Variants in GULP1 observed in about 807,000 individuals in gnomAD.
GULP1 encodes the protein GULP PTB domain containing engulfment adaptor 1, also known as PTB domain-containing engulfment adapter protein 1.
A neutral mutation model predicts 40.9 loss-of-function variants in GULP1; 19 were observed. The observed-to-expected ratio is 0.46, with a 90% CI of 0.32 to 0.68. The LOEUF (loss-of-function observed/expected upper bound fraction) is 0.68, where lower values mean the gene tolerates loss of function less well. Among genes scored for constraint, GULP1 ranks in the 30% least tolerant of loss-of-function variants. The probability of loss-of-function intolerance (pLI) is 0.03; values close to 1 mark genes in which losing one functional copy is unlikely to be tolerated. For synonymous variants in GULP1, 119 were observed against 117.6 expected, an observed-to-expected ratio of 1.01 and a Z score of -0.08; for missense variants, 312 against 362.2, an observed-to-expected ratio of 0.86 and a Z score of 1.12.
At chr2:188,379,915 GT>G in intron 1 of GULP1, among the ~76,000 whole-genome samples, 1 of 152,134 alleles carries the variant, frequency 6.6e-6, no homozygotes, top group Non-Finnish European at 1.5e-5. Flanking sequence ...TGAACTGAAG[GT>G]TAATGAGTCT....
intron 2 of GULP1, among the ~76,000 whole-genome samples, chr2:188,430,801 G>A (rs1334476309): frequency 6.6e-6 from 1 of 152,074 alleles, no homozygotes; most frequent in Non-Finnish European, 1.5e-5. Context: ...CTTTCTGTGT[G>A]AGAACCAGCC....
At chr2:188,525,648 G>C (rs866723808) in intron 5 of GULP1, among the ~76,000 whole-genome samples, 1 of 152,158 alleles carries the variant, frequency 6.6e-6, no homozygotes, top group Non-Finnish European at 1.5e-5. Context: ...TTCCCTGGGA[G>C]ATACCCAGTG....
At chr2:188,469,547 A>C (rs1276677130) in intron 2 of GULP1, among the ~76,000 whole-genome samples, 1 of 152,090 alleles carries the variant, frequency 6.6e-6, no homozygotes, top group Non-Finnish European at 1.5e-5. Flanking sequence ...GGCAGTAGGC[A>C]AAGGGGGAGT....
chr2:188,388,074 C>T lies in GULP1; in HGVS notation c.-45+4185C>T, dbSNP rs566111916. On this transcript the variant is annotated intron_variant, in intron 2 of 11. Transcript: ENST00000409830. The stretch of plus-strand genomic sequence containing the variant: ...GTCCCCAGAGTGTGATGTTCCCCTT[C>T]CTGTGTCCCTGTGTTCTCATTGTTC... 1.5e-4 allele frequency among the ~76,000 whole-genome samples: 21 copies of T among 139,168 alleles called. No homozygotes were observed. The South Asian group carries it at 3.1e-3, about 21-fold the overall frequency. 91.3% of individuals were successfully genotyped at this position (139,168 alleles called of 152,430 possible).
rs1559387278 is a variant in GULP1 at position 188,567,650 on chromosome 2, C to T, written c.400-1589C>T. On this transcript the variant is annotated intron_variant, in intron 7 of 11. Transcript: ENST00000409830. Reference sequence around the variant, plus strand: ...CCAGGACCCATTAGGGGGTGGGAGGCGAGGGGAGGGAACTTAGAGGATGGG... The same window carrying T: ...CCAGGACCCATTAGGGGGTGGGAGGTGAGGGGAGGGAACTTAGAGGATGGG... Among the ~76,000 whole-genome samples, 3 of 151,880 alleles carry T rather than the reference C, an allele frequency of 2.0e-5. No homozygotes were observed. In the South Asian group the frequency reaches 6.3e-4, roughly 32 times the overall value.
chr2:188,365,515 G>A (rs183695304), intron 1 of GULP1, among the ~76,000 whole-genome samples: 1 of 152,280 alleles, frequency 6.6e-6, no homozygotes, highest in East Asian at 1.9e-4. Flanking sequence ...TTATGAGGAA[G>A]CATAAAATTC....
chr2:188,406,373 G>A (rs970882675), intron 2 of GULP1, among the ~76,000 whole-genome samples: 5 of 152,028 alleles, frequency 3.3e-5, no homozygotes, highest in Middle Eastern at 3.2e-3. Context: ...CATGTATTTG[G>A]TACACCATTA....
chr2:188,591,347 C>T (rs1005099218), intron 11 of GULP1: 2 of 152,040 alleles, frequency 1.3e-5, no homozygotes, highest in African/African-American at 4.8e-5. Flanking sequence ...TCAGAGGTAA[C>T]TATGGCCTAG....
chr2:188,439,563 T>A (rs574915878), intron 2 of GULP1, among the ~76,000 whole-genome samples: 1 of 152,250 alleles, frequency 6.6e-6, no homozygotes, highest in East Asian at 1.9e-4. Context: ...TGCATGTGTG[T>A]ACACATATAC....
intron 4 of GULP1, among the ~76,000 whole-genome samples, chr2:188,496,789 TG>T (rs1193030985): frequency 6.6e-6 from 1 of 151,914 alleles, no homozygotes; most frequent in Non-Finnish European, 1.5e-5. Context: ...TATTAGATCA[TG>T]GGGGGTGGTT....
At chr2:188,489,417 C>T (rs922933892) in intron 4 of GULP1, among the ~76,000 whole-genome samples, 4 of 151,810 alleles carry the variant, frequency 2.6e-5, no homozygotes, top group Admixed American at 6.6e-5. Flanking sequence ...ATCATTTATC[C>T]GAAAATGAGT....
chr2:188,386,311 C>T (rs112870042), intron 2 of GULP1, among the ~76,000 whole-genome samples: 42 of 152,134 alleles, frequency 2.8e-4, no homozygotes, highest in African/African-American at 8.2e-4. Flanking sequence ...ATGAGAACAG[C>T]GTAGGAAAGA....
At chr2:188,347,149 G>A (rs2043793061) in intron 1 of GULP1, among the ~76,000 whole-genome samples, 1 of 152,122 alleles carries the variant, frequency 6.6e-6, no homozygotes, top group Admixed American at 6.6e-5. Context: ...AGTAGCAATA[G>A]CTGCAGGTTG....
intron 2 of GULP1, among the ~76,000 whole-genome samples, chr2:188,471,583 T>C (rs1263100017): frequency 6.6e-6 from 1 of 152,198 alleles, no homozygotes. Context: ...AGTATTACTT[T>C]ATAACACATT....
chr2:188,528,835 G>A (rs1025929220), intron 5 of GULP1, among the ~76,000 whole-genome samples: 3 of 152,090 alleles, frequency 2.0e-5, no homozygotes, highest in Middle Eastern at 3.2e-3. Context: ...TGTCTGGTAT[G>A]AATACGTTTT....
chr2:188,381,667 A>G (rs2049021131), intron 1 of GULP1, among the ~76,000 whole-genome samples: 1 of 152,304 alleles, frequency 6.6e-6, no homozygotes, highest in East Asian at 1.9e-4. Flanking sequence ...ATATCATCCT[A>G]AAAAAGAACT....
At chr2:188,362,223 G>A (rs2046193181) in intron 1 of GULP1, among the ~76,000 whole-genome samples, 1 of 151,924 alleles carries the variant, frequency 6.6e-6, no homozygotes, top group Non-Finnish European at 1.5e-5. Flanking sequence ...GTGTTTCCTT[G>A]TGAGATAAAA....
intron 2 of GULP1, among the ~76,000 whole-genome samples, chr2:188,390,714 C>T (rs972835268): frequency 5.0e-4 from 76 of 152,026 alleles, no homozygotes; most frequent in Non-Finnish European, 9.7e-4. Flanking sequence ...AAGAGTTTTT[C>T]CTGGGTTATC....
At chr2:188,575,712 T>G (rs184939855) in intron 9 of GULP1, among the ~76,000 whole-genome samples, 1 of 151,818 alleles carries the variant, frequency 6.6e-6, no homozygotes, top group Non-Finnish European at 1.5e-5. Context: ...AAACTCAGAG[T>G]CTAGATTTGA....
Sources: allele counts gnomAD v4.1 joint callset (sites outside exome capture counted in the v4.1 genomes callset), GRCh38; gene constraint gnomAD v4.1.1; transcripts MANE v1.5; gene names NCBI Gene and HGNC (gene_info 2026-07-23, HGNC 2026-07-21).